Variants in FAM90A1 observed in about 807,000 individuals in gnomAD.
The protein encoded by FAM90A1 is family with sequence similarity 90 member A1.
In FAM90A1, 10 loss-of-function variants were observed where a neutral mutation model predicts 14.8. The ratio of observed to expected loss-of-function variants is 0.67; its 90% CI spans 0.42 to 1.14. The LOEUF is 1.14. FAM90A1 is among the 50% of genes most tolerant of loss of function. FAM90A1 has a pLI of 0.00. For missense variants in FAM90A1, 567 were observed against 602.8 expected, an observed-to-expected ratio of 0.94 and a Z score of 0.62; for synonymous variants, 236 against 248.4, an observed-to-expected ratio of 0.95 and a Z score of 0.47.
chr12:8,224,783 G>A lies in FAM90A1; in HGVS notation c.50C>T (p.Ala17Val). ...PKPGAKRLVR[A>V]QTLQKQRRAP... ...CCTCCGCTGCTTCTGGAGGGTCTGG[G>A]CTCTCACCAGTCTCTTTGCCCCAGG... The change falls in exon 4 of 7, where the codon GCC (alanine) becomes GTC (valine). Residue 17 changes from alanine to valine, a missense_variant. By Grantham distance (64) the Ala-to-Val change is moderately conservative (BLOSUM62 0). Coordinates refer to ENST00000538603, the MANE Select transcript of FAM90A1 (RefSeq NM_018088.3). The A allele has an allele frequency of 6.2e-7, 1 of 1,607,848 alleles. No individual in the cohort carries two copies.
Position 8,224,731 on chromosome 12 carries a change from C to T in FAM90A1, c.102G>A (p.Pro34=), listed in dbSNP as rs749951128. 1,078 of 1,403,448 alleles carry T rather than the reference C, an allele frequency of 7.7e-4. No homozygotes were observed. In the East Asian group the frequency reaches 0.032, roughly 42 times the overall value. 86.9% of individuals were successfully genotyped at this position (1,403,448 alleles called of 1,614,324 possible). The change falls in exon 4 of 7, where the codon CCG becomes CCA. Residue 34 remains proline (P), a synonymous_variant. Coordinates refer to ENST00000538603, the MANE Select transcript of FAM90A1 (RefSeq NM_018088.3). The part of the protein sequence containing the change: ...RRAPVGPRAP[P]PDEEDPRLKC... ...TTACCCTGGGATCTTCTTCATCGGG[C>T]GGGGGAGCCCTTGGCCCAACTGGGG...
At position 8,221,807 on chromosome 12, in the gene FAM90A1, C is replaced by A; in HGVS notation, c.*15G>T. 1 of 1,593,946 alleles carries A rather than the reference C, an allele frequency of 6.3e-7. No homozygotes were observed. Among genetic ancestry groups the A allele is most frequent in the Non-Finnish European group, 8.5e-7 (1 of 1,177,602 alleles). On this transcript the variant is annotated 3_prime_UTR_variant, in exon 7 of 7. Transcript: ENST00000538603. ...ACGGGAGCTGGAGGCCAAGGAGCCC[C>A]TGCCACCTGCAGTCTCACTCCAGGT... is the stretch of plus-strand genomic sequence containing the variant.
intron 5 of FAM90A1, among the ~76,000 whole-genome samples, chr12:8,223,787 C>T (rs1190397761): frequency 3.9e-5 from 6 of 152,184 alleles, no homozygotes; most frequent in African/African-American, 7.2e-5. Context: ...TTCCCCCTGT[C>T]GTGGGGAACC....
intron 3 of FAM90A1, among the ~76,000 whole-genome samples, chr12:8,225,600 C>G (rs1404737261): frequency 2.0e-5 from 3 of 152,100 alleles, no homozygotes; most frequent in Non-Finnish European, 2.9e-5. Flanking sequence ...TTCCATTTAC[C>G]CACCAATTCA....
At chr12:8,225,786 C>T (rs1591640096) in intron 3 of FAM90A1, 50 bp downstream of exon 3, 3 of 152,212 alleles carry the variant, frequency 2.0e-5, no homozygotes, top group South Asian at 4.2e-4. Flanking sequence ...TCTTTTCCCC[C>T]CCACCCCTCA....
At position 8,221,764 on chromosome 12, in the gene FAM90A1, C is replaced by T. The variant is rs1948826185; in HGVS notation, c.*58G>A. 3 of 1,531,222 alleles carry T rather than the reference C, an allele frequency of 2.0e-6. No homozygotes were observed. Among genetic ancestry groups the T allele is most frequent in the Non-Finnish European group, 2.7e-6 (3 of 1,122,326 alleles). 94.9% of individuals were successfully genotyped at this position (1,531,222 alleles called of 1,614,324 possible). A position where few individuals can be genotyped will look rare whatever the true frequency, so the allele number is the denominator to read the frequency against. On this transcript the variant is annotated 3_prime_UTR_variant, in exon 7 of 7. Coordinates refer to ENST00000538603, the MANE Select transcript of FAM90A1 (RefSeq NM_018088.3). ...CTCTCTGCTCTGTGCTCCTCAGTCC[C>T]ACAGTCCCCTCCAAGTCACGGGAGC...
chr12:8,221,647 G>A lies in FAM90A1; in HGVS notation c.*175C>T. ...TCCCTCACCAGAATTCAACGTGGCA[G>A]AGTCCCTGCATCTGCTCCCTGCCTG... On this transcript the variant is annotated 3_prime_UTR_variant, in exon 7 of 7. Transcript: ENST00000538603. 1.4e-6 allele frequency: 1 copy of A among 720,018 alleles called. No homozygotes were observed. The highest frequency in any genetic ancestry group is 1.8e-5 in the South Asian group (1 of 54,708). The allele number at this position is 720,018 out of a possible 1,614,324, so 44.6% of individuals were successfully genotyped here.
rs1565429139 is a variant in FAM90A1 at position 8,222,669 on chromosome 12, A to G, written c.548T>C (p.Leu183Pro). 6.2e-7 allele frequency: 1 copy of G among 1,610,782 alleles called. No homozygotes were observed. Residue 183 changes from leucine to proline, a missense_variant, in exon 7 of 7, where the codon CTG (leucine) becomes CCG (proline). Leu to Pro is a moderately conservative substitution (Grantham distance 98). Transcript: ENST00000538603. The stretch of plus-strand genomic sequence containing the variant: ...CAGACTGGCTTTTCTGAGGGGAGAC[A>G]GTGAAGCTAAGACGGAGCCCCTGTC... ...MSDRGSVLASLSPLRKASLSS... is the reference protein window; with the variant it reads ...MSDRGSVLASPSPLRKASLSS...
chr12:8,222,351 C>G lies in FAM90A1; in HGVS notation c.866G>C (p.Gly289Ala), dbSNP rs763211517. ...GLGSNLSFGP[G>A]AKRSAPAPIQ... Reference sequence around the variant, plus strand: ...CGGAGCCGGGGCAGATCTCTTGGCTCCTGGCCCGAAGCTGAGATTGGAGCC... The same window carrying G: ...CGGAGCCGGGGCAGATCTCTTGGCTGCTGGCCCGAAGCTGAGATTGGAGCC... The change falls in exon 7 of 7, where the codon GGA becomes GCA. Residue 289 changes from glycine to alanine, a missense_variant. Coordinates refer to ENST00000538603, the MANE Select transcript of FAM90A1 (RefSeq NM_018088.3). 4 of 1,611,614 alleles carry G rather than the reference C, an allele frequency of 2.5e-6. No individual in the cohort carries two copies. The highest frequency in any genetic ancestry group is 3.4e-6 in the Non-Finnish European group (4 of 1,179,912).
chr12:8,223,705 G>C (rs1019519220), intron 5 of FAM90A1, 148 bp from the exon 6 acceptor site: 1 of 674,376 alleles, frequency 1.5e-6, no homozygotes, highest in Non-Finnish European at 2.7e-6. Context: ...TCCCTCACGT[G>C]CCAACCTTCC....
In FAM90A1 at chr12:8,222,052, C is replaced by T. The variant is rs1362715544; in HGVS notation, c.1165G>A (p.Ala389Thr). 24 of 1,605,194 alleles carry T rather than the reference C, an allele frequency of 1.5e-5. No individual in the cohort carries two copies. Among genetic ancestry groups the T allele is most frequent in the Non-Finnish European group, 1.9e-5 (23 of 1,179,954 alleles). Residue 389 changes from alanine (A) to threonine (T), a missense_variant, in exon 7 of 7, where the codon GCC becomes ACC. Coordinates refer to ENST00000538603, the MANE Select transcript of FAM90A1 (RefSeq NM_018088.3). ...SHHPAASHDG[A>T]QPLRVLFRRL... Reference sequence around the variant, plus strand: ...CGAAAGAGCACTCTGAGAGGCTGGGCCCCATCATGGCTGGCCGCTGGGTGA... The same window carrying T: ...CGAAAGAGCACTCTGAGAGGCTGGGTCCCATCATGGCTGGCCGCTGGGTGA...
Position 8,221,573 on chromosome 12 carries a change from A to G in FAM90A1, c.*249T>C, listed in dbSNP as rs1378088877. 3 of 570,946 alleles carry G rather than the reference A, an allele frequency of 5.3e-6. No homozygotes were observed. The highest frequency in any genetic ancestry group is 3.0e-5 in the Admixed American group (1 of 32,954). 35.4% of individuals were successfully genotyped at this position (570,946 alleles called of 1,614,324 possible). ...GTTTCTGAGGCAACGAATCACTGGCACGGAAGCTTTTCCTGGCGCGTTTCC... is the reference window on the plus strand; with the variant it reads ...GTTTCTGAGGCAACGAATCACTGGCGCGGAAGCTTTTCCTGGCGCGTTTCC... On this transcript the variant is annotated 3_prime_UTR_variant, in exon 7 of 7. Transcript: ENST00000538603.
chr12:8,223,667 A>G (rs1948880337), intron 5 of FAM90A1, 110 bp from the exon 6 acceptor site: 15 of 753,786 alleles, frequency 2.0e-5, no homozygotes, highest in Middle Eastern at 3.5e-4. Context: ...AGAAATGGAC[A>G]TCTGGTGCCC....
At position 8,221,701 on chromosome 12, in the gene FAM90A1, C is replaced by G. The variant is rs1411097236; in HGVS notation, c.*121G>C. ...TGGGCTCCCACATCCACAGAAGGGC[C>G]ACAGCCGGGGAGCTTCGGAGTCACC... On this transcript the variant is annotated 3_prime_UTR_variant, in exon 7 of 7. Transcript: ENST00000538603. 2 of 1,170,510 alleles carry G rather than the reference C, an allele frequency of 1.7e-6. No homozygotes were observed. The highest frequency in any genetic ancestry group is 2.5e-5 in the East Asian group (1 of 40,332). The allele number at this position is 1,170,510 out of a possible 1,614,324, so 72.5% of individuals were successfully genotyped here.
In FAM90A1 at chr12:8,222,216, G is replaced by A. The variant is rs17855656; in HGVS notation, c.1001C>T (p.Pro334Leu). 261,743 of 1,603,646 alleles carry A rather than the reference G, an allele frequency of 0.16. 18,272 individuals are homozygous for A. Among genetic ancestry groups the A allele is most frequent in the East Asian group, 0.46 (20,610 of 44,562 alleles). The change falls in exon 7 of 7, where the codon CCG becomes CTG. Residue 334 changes from proline to leucine, a missense_variant. Transcript: ENST00000538603. ...TGGTCCAAGTTCGGTTGCGGCTGGC[G>A]GAGGTTGGAGATTCTCCGGGGCCCC... ...ELGAPENLQP[P>L]PAATELGPRT... is the part of the protein sequence containing the mutation.
At position 8,222,020 on chromosome 12, in the gene FAM90A1, C is replaced by T. The variant is rs773186775; in HGVS notation, c.1197G>A (p.Leu399=). 3 of 1,600,986 alleles carry T rather than the reference C, an allele frequency of 1.9e-6. No individual in the cohort carries two copies. The highest frequency in any genetic ancestry group is 1.7e-5 in the Admixed American group (1 of 60,022). The change falls in exon 7 of 7, where the codon CTG becomes CTA. Residue 399 remains leucine (L), a synonymous_variant. Coordinates refer to ENST00000538603, the MANE Select transcript of FAM90A1 (RefSeq NM_018088.3). The part of the protein sequence containing the change: ...AQPLRVLFRR[L]ENGRWSSSLL... ...GGCTGGAGCTCCAGCGTCCGTTTTC[C>T]AGTCTCCGAAAGAGCACTCTGAGAG...
At position 8,222,093 on chromosome 12, in the gene FAM90A1, G is replaced by A; in HGVS notation, c.1124C>T (p.Ala375Val). 1.2e-6 allele frequency: 2 copies of A among 1,610,104 alleles called. No homozygotes were observed. The highest frequency in any genetic ancestry group is 1.7e-6 in the Non-Finnish European group (2 of 1,180,000). The stretch of plus-strand genomic sequence containing the variant: ...CGCTGGGTGATGGGACATGGTGCAG[G>A]CCTGGGCAGTAGGCAGGCAAGGTCT... ...HSRPCLPTAQACTMSHHPAAS... is the reference protein window; with the variant it reads ...HSRPCLPTAQVCTMSHHPAAS... The change falls in exon 7 of 7, where the codon GCC becomes GTC. Residue 375 changes from alanine to valine, a missense_variant. Coordinates refer to ENST00000538603, the MANE Select transcript of FAM90A1 (RefSeq NM_018088.3).
intron 1 of FAM90A1, among the ~76,000 whole-genome samples, chr12:8,226,735 ACCAAGCTTTCTAATTTTTCAGTAGTTT>A (rs1422193509): frequency 6.7e-6 from 1 of 148,948 alleles, no homozygotes; most frequent in Non-Finnish European, 1.5e-5. Flanking sequence ...ATCTGTACAT[ACCAAGCTTTCTAATTTTTCAGTAGTTT>A]CCAAGCATCT....
At position 8,222,692 on chromosome 12, in the gene FAM90A1, G is replaced by T; in HGVS notation, c.525C>A (p.Asp175Glu). The change falls in exon 7 of 7, where the codon GAC becomes GAA. Residue 175 changes from aspartate (D) to glutamate (E), a missense_variant. By Grantham distance (45) the Asp-to-Glu change is conservative (BLOSUM62 2). Transcript: ENST00000538603. ...LSDRSATEMSDRGSVLASLSP... is the reference protein window; with the variant it reads ...LSDRSATEMSERGSVLASLSP... ...ACAGTGAAGCTAAGACGGAGCCCCT[G>T]TCAGACATTTCGGTAGCTGAGCGAT... 1 of 1,609,250 alleles carries T rather than the reference G, an allele frequency of 6.2e-7. No homozygotes were observed. The highest frequency in any genetic ancestry group is 8.5e-7 in the Non-Finnish European group (1 of 1,179,864).
Sources: gnomAD v4.1 joint callset for allele counts (sites outside exome capture counted in the v4.1 genomes callset) on GRCh38, gnomAD v4.1.1 for gene constraint, MANE v1.5 for transcripts, NCBI Gene and HGNC (gene_info 2026-07-23, HGNC 2026-07-21) for gene names.